TUSC3: variants seen among roughly 807,000 people sequenced by gnomAD.
The protein encoded by TUSC3 is dolichyl-diphosphooligosaccharide--protein glycosyltransferase subunit TUSC3.
In TUSC3, 45 loss-of-function variants were observed where a neutral mutation model predicts 44.8. That is an observed-to-expected ratio of 1.00 (90% CI 0.79 to 1.29). TUSC3 has a LOEUF of 1.29. Among genes scored for constraint, TUSC3 ranks in the 50% most tolerant of loss-of-function variants. The probability of loss-of-function intolerance (pLI) is 0.00; values close to 1 mark genes in which losing one functional copy is unlikely to be tolerated. For synonymous variants in TUSC3, 212 were observed against 152.9 expected, an observed-to-expected ratio of 1.39 and a Z score of -2.85; for missense variants, 519 against 437.9, an observed-to-expected ratio of 1.19 and a Z score of -1.65.
intron 2 of TUSC3, among the ~76,000 whole-genome samples, chr8:15,496,986 C>G (rs929419772): frequency 6.6e-6 from 1 of 151,730 alleles, no homozygotes; most frequent in African/African-American, 2.4e-5. Flanking sequence ...CATCAGTGAA[C>G]AAAACAGAAA....
At chr8:15,741,740 A>T (rs1486134327) in intron 7 of TUSC3, among the ~76,000 whole-genome samples, 1 of 152,162 alleles carries the variant, frequency 6.6e-6, no homozygotes, top group Non-Finnish European at 1.5e-5. Context: ...CTGCAATTCT[A>T]TTTGAATTAT....
At chr8:15,730,326 A>T (rs1810665914) in intron 6 of TUSC3, among the ~76,000 whole-genome samples, 1 of 152,158 alleles carries the variant, frequency 6.6e-6, no homozygotes, top group African/African-American at 2.4e-5. Flanking sequence ...AAGGATGAAA[A>T]ATCATAAAAA....
intron 9 of TUSC3, among the ~76,000 whole-genome samples, chr8:15,752,172 A>C (rs545432291): frequency 1.3e-5 from 2 of 152,252 alleles, no homozygotes; most frequent in East Asian, 3.9e-4. Flanking sequence ...CTCCAGAAGA[A>C]GGCTTGAATT....
intron 1 of TUSC3, among the ~76,000 whole-genome samples, chr8:15,457,566 C>G (rs935111291): frequency 4.0e-5 from 6 of 150,804 alleles, no homozygotes; most frequent in Non-Finnish European, 7.4e-5. Flanking sequence ...AACTTTTCTG[C>G]ACATACGCTA....
chr8:15,493,602 C>A (rs558948566), intron 2 of TUSC3, among the ~76,000 whole-genome samples: 1 of 150,954 alleles, frequency 6.6e-6, no homozygotes, highest in Non-Finnish European at 1.5e-5. Flanking sequence ...AAATATTTGC[C>A]AAACATTTGG....
intron 6 of TUSC3, among the ~76,000 whole-genome samples, chr8:15,720,777 A>G (rs987561567): frequency 6.6e-6 from 1 of 152,164 alleles, no homozygotes; most frequent in Non-Finnish European, 1.5e-5. Flanking sequence ...TTAGCATGAT[A>G]TAATGGCACT....
In TUSC3 at chr8:15,559,316, A is replaced by G. The variant is rs572005786; in HGVS notation, c.138+18748A>G. 7.6e-5 allele frequency among the ~76,000 whole-genome samples: 11 copies of G among 145,000 alleles called. 2 individuals carry two copies. In the South Asian group the frequency reaches 2.6e-3, roughly 34 times the overall value. On this transcript the variant is annotated intron_variant, in intron 1 of 10. Transcript: ENST00000503731. Reference sequence around the variant, plus strand: ...GTTTCCATGTAGTTGAGCAGTTTTGAGTGAGATTCTTAACCCTGAGTTCTA... The same window carrying G: ...GTTTCCATGTAGTTGAGCAGTTTTGGGTGAGATTCTTAACCCTGAGTTCTA...
chr8:15,828,898 C>T, the TUSC3 span, among the ~76,000 whole-genome samples: 1 of 152,030 alleles, frequency 6.6e-6, no homozygotes, highest in Non-Finnish European at 1.5e-5. Context: ...GCCAAGCAAA[C>T]AAATGTTGGA....
chr8:15,793,295 T>G, the TUSC3 span, among the ~76,000 whole-genome samples: 288 of 152,236 alleles, frequency 1.9e-3, 1 homozygote, highest in Non-Finnish European at 3.2e-3. Context: ...CTACAATAAC[T>G]ACAAGACTCG....
intron 1 of TUSC3, among the ~76,000 whole-genome samples, chr8:15,570,230 C>A (rs959317305): frequency 2.0e-4 from 30 of 150,528 alleles, no homozygotes; most frequent in African/African-American, 7.1e-4. Flanking sequence ...ACATCTTTTT[C>A]CAGTGTTAAA....
chr8:15,487,461 TA>T (rs1197163696), intron 2 of TUSC3, among the ~76,000 whole-genome samples: 1 of 152,230 alleles, frequency 6.6e-6, no homozygotes, highest in African/African-American at 2.4e-5. Context: ...AAGTCTATCT[TA>T]AAAGTTTTTA....
At chr8:15,793,304 C>T in the TUSC3 span, among the ~76,000 whole-genome samples, 555 of 152,228 alleles carry the variant, frequency 3.6e-3, 1 homozygote, top group African/African-American at 0.013. Flanking sequence ...CTACAAGACT[C>T]GACATGATTC....
At chr8:15,754,839 A>G (rs1811857013) in intron 9 of TUSC3, among the ~76,000 whole-genome samples, 2 of 152,124 alleles carry the variant, frequency 1.3e-5, no homozygotes, top group Non-Finnish European at 2.9e-5. Context: ...TATTTAAAAT[A>G]CAGTCCTTAA....
At chr8:15,632,498 A>AT (rs1195025036) in intron 2 of TUSC3, among the ~76,000 whole-genome samples, 2 of 151,946 alleles carry the variant, frequency 1.3e-5, no homozygotes, top group African/African-American at 2.4e-5. Context: ...GTACAGGGAA[A>AT]TTTTTTTTGC....
At chr8:15,439,140 C>G (rs893581199) in intron 1 of TUSC3, among the ~76,000 whole-genome samples, 1 of 152,140 alleles carries the variant, frequency 6.6e-6, no homozygotes, top group Non-Finnish European at 1.5e-5. Context: ...GAAGGGCTGA[C>G]CTTCACCCAT....
intron 6 of TUSC3, among the ~76,000 whole-genome samples, chr8:15,727,724 G>C (rs1810555249): frequency 1.3e-5 from 2 of 152,204 alleles, no homozygotes; most frequent in Admixed American, 6.5e-5. Context: ...GATAGAAACA[G>C]CTTCTCGGCC....
the TUSC3 span, among the ~76,000 whole-genome samples, chr8:15,804,787 A>G: frequency 6.6e-5 from 10 of 152,142 alleles, no homozygotes; most frequent in Admixed American, 5.9e-4. Flanking sequence ...CTTTTTGCTT[A>G]GGATTGTTTT....
intron 2 of TUSC3, among the ~76,000 whole-genome samples, chr8:15,631,795 T>C (rs1176730821): frequency 6.6e-6 from 1 of 151,940 alleles, no homozygotes; most frequent in African/African-American, 2.4e-5. Context: ...AACCTCTGCC[T>C]CACGGGTTCA....
At chr8:15,658,320 A>G (rs2129178502) in intron 3 of TUSC3, among the ~76,000 whole-genome samples, 1 of 152,180 alleles carries the variant, frequency 6.6e-6, no homozygotes, top group South Asian at 2.1e-4. Context: ...GCTCTGTAAA[A>G]TGATTTGGAG....
Sources: allele counts gnomAD v4.1 joint callset (sites outside exome capture counted in the v4.1 genomes callset), GRCh38; gene constraint gnomAD v4.1.1; transcripts MANE v1.5; gene names NCBI Gene and HGNC (gene_info 2026-07-23, HGNC 2026-07-21).